ARHGAP15: variants seen among roughly 807,000 people sequenced by gnomAD.
ARHGAP15 encodes Rho GTPase activating protein 15, also known as rho GTPase-activating protein 15.
ARHGAP15 carries 51 observed loss-of-function variants against 63.7 expected under a neutral mutation model. That is an observed-to-expected ratio of 0.80 (90% CI 0.64 to 1.01). The LOEUF is 1.01. Among genes scored for constraint, ARHGAP15 ranks in the 50% least tolerant of loss-of-function variants. ARHGAP15 has a pLI of 0.00. For synonymous variants in ARHGAP15, 191 were observed against 193.8 expected (o/e 0.99, Z 0.12); for missense variants, 560 against 564.6 (o/e 0.99, Z 0.08).
At chr2:143,240,013 A>AAC in intron 5 of ARHGAP15, among the ~76,000 whole-genome samples, 1 of 147,916 alleles carries the variant, frequency 6.8e-6, no homozygotes, top group South Asian at 2.1e-4. Context: ...AAAAAAAAAA[A>AAC]AAAAAAAACC....
rs1329171475 is a variant in ARHGAP15 at position 143,435,690 on chromosome 2, T to C, written c.564T>C (p.Ile188=). 3 of 1,604,108 alleles carry C rather than the reference T, an allele frequency of 1.9e-6. No homozygotes were observed. The highest frequency in any genetic ancestry group is 2.5e-6 in the Non-Finnish European group (3 of 1,177,152). The change falls in exon 7 of 14, where the codon ATT becomes ATC. Residue 188 remains isoleucine (I), a synonymous_variant. Coordinates refer to ENST00000295095, the MANE Select transcript of ARHGAP15 (RefSeq NM_018460.4). ...LDWFHAIKNA[I]DRLPKDSSCP... The stretch of plus-strand genomic sequence containing the variant: ...GGTTCCACGCTATCAAAAATGCAAT[T>C]GACAGATTGGTATGTATTTGTTTTG...
intron 11 of ARHGAP15, among the ~76,000 whole-genome samples, chr2:143,569,013 T>A (rs2105115191): frequency 6.6e-6 from 1 of 151,954 alleles, no homozygotes; most frequent in African/African-American, 2.4e-5. Context: ...GGGCCTGTCA[T>A]AGGATGGGGG....
intron 6 of ARHGAP15, among the ~76,000 whole-genome samples, chr2:143,405,671 G>A (rs1370596393): frequency 6.6e-6 from 1 of 151,884 alleles, no homozygotes; most frequent in Non-Finnish European, 1.5e-5. Flanking sequence ...GGAATCAAAT[G>A]TATTACGAGA....
chr2:143,540,745 A>C (rs1036426245), intron 10 of ARHGAP15, among the ~76,000 whole-genome samples: 3 of 152,178 alleles, frequency 2.0e-5, no homozygotes, highest in African/African-American at 7.2e-5. Context: ...CTGGGAGATC[A>C]GCTGTTAGTC....
At chr2:143,508,281 C>T (rs1435342209) in intron 9 of ARHGAP15, among the ~76,000 whole-genome samples, 2 of 152,206 alleles carry the variant, frequency 1.3e-5, no homozygotes, top group Non-Finnish European at 2.9e-5. Context: ...GTACATGGCT[C>T]AGTCGGTCAC....
chr2:143,497,667 C>G (rs547842552), intron 9 of ARHGAP15, among the ~76,000 whole-genome samples: 2 of 152,290 alleles, frequency 1.3e-5, no homozygotes, highest in East Asian at 3.9e-4. Flanking sequence ...TGGTATAATT[C>G]TACTGCTCAC....
chr2:143,250,385 TG>T, intron 5 of ARHGAP15, 125 bp from the exon 6 acceptor site: 1 of 606,118 alleles, frequency 1.6e-6, no homozygotes, highest in Admixed American at 3.7e-5. Context: ...AGGTTTCCCC[TG>T]GGGAAAACAA....
chr2:143,172,590 GA>G (rs991059044), intron 2 of ARHGAP15, among the ~76,000 whole-genome samples: 4 of 152,202 alleles, frequency 2.6e-5, no homozygotes, highest in Admixed American at 6.5e-5. Flanking sequence ...ATATAGAACT[GA>G]AAAGAGTTGC....
intron 13 of ARHGAP15, among the ~76,000 whole-genome samples, chr2:143,730,615 G>A (rs1324946371): frequency 6.6e-6 from 1 of 152,090 alleles, no homozygotes; most frequent in Non-Finnish European, 1.5e-5. Context: ...TAGAAATAGA[G>A]TTCAAAAGTC....
At chr2:143,529,215 A>G (rs1428813607) in intron 10 of ARHGAP15, among the ~76,000 whole-genome samples, 1 of 152,010 alleles carries the variant, frequency 6.6e-6, no homozygotes, top group East Asian at 1.9e-4. Context: ...TATATTCCCC[A>G]TTGCCCTAGA....
chr2:143,257,462 C>T (rs980648518), intron 6 of ARHGAP15, among the ~76,000 whole-genome samples: 7 of 152,124 alleles, frequency 4.6e-5, no homozygotes, highest in Non-Finnish European at 8.8e-5. Flanking sequence ...AACTGGATAG[C>T]TCACTTCACA....
At chr2:143,279,678 A>G (rs894785956) in intron 6 of ARHGAP15, among the ~76,000 whole-genome samples, 31 of 152,154 alleles carry the variant, frequency 2.0e-4, no homozygotes, top group African/African-American at 7.0e-4. Context: ...AGTGTACACA[A>G]TTTTCCCAAC....
At chr2:143,299,112 G>A (rs1574233733) in intron 6 of ARHGAP15, among the ~76,000 whole-genome samples, 1 of 151,906 alleles carries the variant, frequency 6.6e-6, no homozygotes, top group Non-Finnish European at 1.5e-5. Flanking sequence ...GATATAAAAA[G>A]CAAGTACTGA....
intron 8 of ARHGAP15, among the ~76,000 whole-genome samples, chr2:143,443,308 G>A (rs1689977332): frequency 6.6e-6 from 1 of 152,060 alleles, no homozygotes; most frequent in Non-Finnish European, 1.5e-5. Flanking sequence ...ATCTAGTTCT[G>A]AAGAAATGGA....
In ARHGAP15 at chr2:143,435,715, G is replaced by A. The variant is rs112632264; in HGVS notation, c.573+16G>A. The stretch of plus-strand genomic sequence containing the variant: ...TGACAGATTGGTATGTATTTGTTTT[G>A]GCTGTTACCTTTATTAATTAAAATG... On this transcript the variant is annotated intron_variant, in intron 7 of 13. Transcript: ENST00000295095. 2.3e-5 allele frequency: 36 copies of A among 1,593,086 alleles called. No individual in the cohort carries two copies. In the African/African-American group the frequency reaches 3.1e-4, roughly 14 times the overall value.
intron 10 of ARHGAP15, among the ~76,000 whole-genome samples, chr2:143,542,694 CACATATATA>C (rs1237729112): frequency 1.4e-4 from 19 of 134,518 alleles, no homozygotes; most frequent in Admixed American, 3.1e-4. Context: ...TATATAGTAT[CACATATATA>C]ATATATATGA....
At chr2:143,673,773 T>TACATATATATATATATATATATAC (rs1283790329) in intron 12 of ARHGAP15, among the ~76,000 whole-genome samples, 1 of 102,268 alleles carries the variant, frequency 9.8e-6, no homozygotes, top group African/African-American at 3.6e-5. Flanking sequence ...TATATATATA[T>TACATATATATATATATATATATAC]ATATATATAT....
chr2:143,205,716 A>G (rs1186169701), intron 3 of ARHGAP15, among the ~76,000 whole-genome samples: 1 of 151,928 alleles, frequency 6.6e-6, no homozygotes, highest in African/African-American at 2.4e-5. Flanking sequence ...CCCTCTTTCC[A>G]TTGAGCCCAT....
intron 12 of ARHGAP15, among the ~76,000 whole-genome samples, chr2:143,649,531 A>T (rs1208798323): frequency 6.6e-6 from 1 of 151,980 alleles, no homozygotes; most frequent in Non-Finnish European, 1.5e-5. Context: ...AAATGTTTAT[A>T]CCAATTTTGA....
Sources: gnomAD v4.1 joint callset for allele counts (sites outside exome capture counted in the v4.1 genomes callset) on GRCh38, gnomAD v4.1.1 for gene constraint, MANE v1.5 for transcripts, NCBI Gene and HGNC (gene_info 2026-07-23, HGNC 2026-07-21) for gene names.